FGF13: variants seen among roughly 807,000 people sequenced by gnomAD.
The protein encoded by FGF13 is fibroblast growth factor homologous factor 2.
FGF13 carries 2 observed loss-of-function variants against 19.5 expected under a neutral mutation model. The observed-to-expected ratio is 0.10, with a 90% CI of 0.04 to 0.32. The LOEUF (loss-of-function observed/expected upper bound fraction) is 0.32. Among genes scored for constraint, FGF13 ranks in the 10% least tolerant of loss-of-function variants. The pLI is 1.00. For missense variants in FGF13, 113 were observed against 192.7 expected, an observed-to-expected ratio of 0.59 and a Z score of 2.45; for synonymous variants, 72 against 76.9, an observed-to-expected ratio of 0.94 and a Z score of 0.33.
chrX:139,031,025 G>A (rs916411589), intron 1 of FGF13, among the ~76,000 whole-genome samples: 3 of 111,315 alleles, frequency 2.7e-5, no homozygotes, highest in Non-Finnish European at 5.7e-5. Flanking sequence ...CAAACTCTAA[G>A]CGTACACTAT....
At chrX:138,995,996 T>A (rs1439454264) in intron 1 of FGF13, among the ~76,000 whole-genome samples, 2 of 111,778 alleles carry the variant, frequency 1.8e-5, no homozygotes, top group Non-Finnish European at 3.8e-5. Flanking sequence ...CTGGCAAGCC[T>A]CACCAGGGTA....
intron 1 of FGF13, among the ~76,000 whole-genome samples, chrX:138,906,352 G>T (rs1311016577): frequency 8.9e-6 from 1 of 112,051 alleles, no homozygotes; most frequent in Non-Finnish European, 1.9e-5. Context: ...CATACTCATT[G>T]TCTATTGGAT....
At chrX:138,739,328 G>T in exon 1 of FGF13, 1 of 1,154,222 alleles carries the variant, frequency 8.7e-7, no homozygotes, top group Non-Finnish European at 1.2e-6. Context: ...AGCAGACACA[G>T]AGAGAGAGGA....
chrX:138,639,793 A>G (rs1260704128), intron 3 of FGF13, among the ~76,000 whole-genome samples: 14 of 110,211 alleles, frequency 1.3e-4, no homozygotes. Flanking sequence ...GATCAAGAGC[A>G]TCCTGGCTAA....
At chrX:139,128,214 T>A (rs1279095252) in intron 1 of FGF13, among the ~76,000 whole-genome samples, 1 of 110,905 alleles carries the variant, frequency 9.0e-6, no homozygotes, top group Non-Finnish European at 1.9e-5. Context: ...CCCTGCCTCA[T>A]CTTCCAAACC....
At chrX:138,651,700 A>C (rs1202283532) in intron 3 of FGF13, among the ~76,000 whole-genome samples, 2 of 111,736 alleles carry the variant, frequency 1.8e-5, no homozygotes, top group Admixed American at 9.5e-5. Context: ...TTCTTTGTGC[A>C]GTGTAGATGG....
chrX:138,969,493 C>T (rs895756782), intron 1 of FGF13, among the ~76,000 whole-genome samples: 4 of 111,181 alleles, frequency 3.6e-5, no homozygotes. Context: ...GGAGAAGAAT[C>T]GAATAGGACA....
chrX:138,897,292 G>A (rs745532554), intron 1 of FGF13, among the ~76,000 whole-genome samples: 1 of 110,438 alleles, frequency 9.1e-6, no homozygotes, highest in Non-Finnish European at 1.9e-5. Flanking sequence ...TTACAGAGGT[G>A]AGCCACCACG....
intron 3 of FGF13, among the ~76,000 whole-genome samples, chrX:138,821,920 A>G (rs2091002311): frequency 8.9e-6 from 1 of 111,777 alleles, no homozygotes; most frequent in African/African-American, 3.3e-5. Flanking sequence ...CAATATGGGA[A>G]GGAGAACCAA....
Position 138,620,151 on chromosome X carries a change from A to G in FGF13, c.*12699T>C, listed in dbSNP as rs972755757. 2.7e-5 allele frequency: 3 copies of G among 112,033 alleles called. No homozygotes were observed. The highest frequency in any genetic ancestry group is 9.8e-5 in the African/African-American group (3 of 30,766). 9.2% of individuals were successfully genotyped at this position (112,033 alleles called of 1,213,427 possible). On this transcript the variant is annotated 3_prime_UTR_variant, in exon 5 of 5. Transcript: ENST00000315930. ...CTATGCAGCCATAAAAAGGAATGAG[A>G]TCATGTCATTTTCAGGGACACACAT...
chrX:138,985,184 G>T, intron 1 of FGF13: 1 of 273,661 alleles, frequency 3.7e-6, no homozygotes. Flanking sequence ...TGAATATGTT[G>T]TGACAAGCAA....
intron 3 of FGF13, among the ~76,000 whole-genome samples, chrX:138,799,531 A>T (rs898107746): frequency 1.8e-5 from 2 of 111,374 alleles, no homozygotes; most frequent in African/African-American, 6.5e-5. Flanking sequence ...AAGAATGTAT[A>T]TTTTGTTGAT....
intron 1 of FGF13, among the ~76,000 whole-genome samples, chrX:138,919,149 A>T (rs765782623): frequency 8.9e-6 from 1 of 112,090 alleles, no homozygotes; most frequent in African/African-American, 3.2e-5. Context: ...AAATGTATGC[A>T]TGAAAAAATA....
chrX:139,084,277 C>T (rs1025471248), intron 1 of FGF13, among the ~76,000 whole-genome samples: 1 of 111,058 alleles, frequency 9.0e-6, no homozygotes, highest in Middle Eastern at 4.7e-3. Context: ...GAAGAGAAAT[C>T]GTTCATTTAG....
intron 1 of FGF13, among the ~76,000 whole-genome samples, chrX:139,137,541 A>G (rs2083810371): frequency 8.9e-6 from 1 of 111,951 alleles, no homozygotes; most frequent in African/African-American, 3.3e-5. Flanking sequence ...TGCCACACTC[A>G]TTAGGGCTAA....
intron 1 of FGF13, among the ~76,000 whole-genome samples, chrX:139,116,688 G>A (rs778672913): frequency 9.0e-6 from 1 of 110,967 alleles, no homozygotes; most frequent in Non-Finnish European, 1.9e-5. Flanking sequence ...AGGAGAGCGG[G>A]GGGAAAAAAA....
At chrX:139,078,870 T>A (rs1009907989) in intron 1 of FGF13, among the ~76,000 whole-genome samples, 2 of 112,931 alleles carry the variant, frequency 1.8e-5, no homozygotes, top group Admixed American at 9.3e-5. Flanking sequence ...ATCTTTTTAG[T>A]CTTTTAAAGC....
intron 3 of FGF13, among the ~76,000 whole-genome samples, chrX:138,636,414 T>G (rs1401140099): frequency 1.2e-4 from 13 of 111,809 alleles, no homozygotes. Flanking sequence ...TTAGACTGGA[T>G]TTTTCAAATG....
chrX:139,091,045 G>A (rs2083437693), intron 1 of FGF13, among the ~76,000 whole-genome samples: 1 of 108,691 alleles, frequency 9.2e-6, no homozygotes, highest in Non-Finnish European at 1.9e-5. Flanking sequence ...GGGGTGTCAA[G>A]ATGCAAAAAA....
Sources: allele counts gnomAD v4.1 joint callset (sites outside exome capture counted in the v4.1 genomes callset), GRCh38; gene constraint gnomAD v4.1.1; transcripts MANE v1.5; gene names NCBI Gene and HGNC (gene_info 2026-07-23, HGNC 2026-07-21).